Variants in TSPAN5 observed in about 807,000 individuals in gnomAD.
TSPAN5 encodes the protein tetraspanin 5.
TSPAN5 carries 10 observed loss-of-function variants against 37.1 expected under a neutral mutation model. The observed-to-expected ratio is 0.27, with a 90% CI of 0.17 to 0.46. The LOEUF (loss-of-function observed/expected upper bound fraction) is 0.46, where lower values mean the gene tolerates loss of function less well. TSPAN5 is among the 20% of genes least tolerant of loss of function. The pLI is 1.00. For synonymous variants in TSPAN5, 110 were observed against 118.9 expected, an observed-to-expected ratio of 0.93 and a Z score of 0.48; for missense variants, 195 against 326.6, an observed-to-expected ratio of 0.60 and a Z score of 3.11.
intron 1 of TSPAN5, among the ~76,000 whole-genome samples, chr4:98,540,498 C>T (rs4699649): frequency 0.05 from 7,638 of 152,196 alleles, 451 homozygotes; most frequent in Admixed American, 0.13. Context: ...CCACCATGCC[C>T]AGCTAATTTT....
At chr4:98,507,841 A>G in intron 1 of TSPAN5, 113 bp from the exon 2 acceptor site, 1 of 734,814 alleles carries the variant, frequency 1.4e-6, no homozygotes, top group Non-Finnish European at 2.2e-6. Context: ...AGCTTTTCCT[A>G]AAGTGTGAGC....
At chr4:98,575,246 T>C (rs751755527) in intron 1 of TSPAN5, among the ~76,000 whole-genome samples, 3 of 152,136 alleles carry the variant, frequency 2.0e-5, no homozygotes, top group Non-Finnish European at 4.4e-5. Context: ...AATATGTAAG[T>C]CATCAGAGAT....
intron 1 of TSPAN5, among the ~76,000 whole-genome samples, chr4:98,637,432 G>A (rs1191259439): frequency 6.6e-6 from 1 of 152,090 alleles, no homozygotes; most frequent in Non-Finnish European, 1.5e-5. Context: ...CTCAACTGAT[G>A]ACCACAGGCA....
At chr4:98,608,657 A>G (rs980652568) in intron 1 of TSPAN5, among the ~76,000 whole-genome samples, 1 of 152,132 alleles carries the variant, frequency 6.6e-6, no homozygotes. Flanking sequence ...TCTCTCCAGG[A>G]AAAAGAAAAA....
chr4:98,499,938 G>A (rs577697336), intron 2 of TSPAN5, among the ~76,000 whole-genome samples: 109 of 152,124 alleles, frequency 7.2e-4, no homozygotes, highest in African/African-American at 2.4e-3. Flanking sequence ...GGGATTACAG[G>A]TGTGAGCCAC....
At position 98,619,972 on chromosome 4, in the gene TSPAN5, T is replaced by C. The variant is rs550656139; in HGVS notation, c.81+38174A>G. 2.6e-5 allele frequency among the ~76,000 whole-genome samples: 4 copies of C among 152,284 alleles called. No individual in the cohort carries two copies. In the South Asian group the frequency reaches 8.3e-4, roughly 32 times the overall value. On this transcript the variant is annotated intron_variant, in intron 1 of 7. Transcript: ENST00000305798. ...TCCTAAAAGCCTCATATTATTGCAT[T>C]GAGTACTAGGTTTCAACACATGAAT...
intron 1 of TSPAN5, among the ~76,000 whole-genome samples, chr4:98,558,959 C>A (rs1410758941): frequency 2.0e-5 from 3 of 152,218 alleles, no homozygotes; most frequent in Non-Finnish European, 4.4e-5. Flanking sequence ...AATGCCCTCA[C>A]TTAAATAACA....
At chr4:98,592,432 T>TTG (rs1553916144) in intron 1 of TSPAN5, among the ~76,000 whole-genome samples, 2 of 144,428 alleles carry the variant, frequency 1.4e-5, no homozygotes, top group African/African-American at 5.2e-5. Flanking sequence ...TTTTTTGTTT[T>TTG]TTTTTTTTTT....
chr4:98,558,649 T>C (rs549091750), intron 1 of TSPAN5, among the ~76,000 whole-genome samples: 1 of 152,296 alleles, frequency 6.6e-6, no homozygotes, highest in African/African-American at 2.4e-5. Flanking sequence ...GCACTCCAAA[T>C]GCAGTTTCTA....
rs1753776508 is a variant in TSPAN5 at position 98,518,175 on chromosome 4, C to T, written c.82-10447G>A. 2.0e-5 allele frequency among the ~76,000 whole-genome samples: 3 copies of T among 150,504 alleles called. No homozygotes were observed. In the South Asian group the frequency reaches 6.3e-4, roughly 32 times the overall value. On this transcript the variant is annotated intron_variant, in intron 1 of 7. Coordinates refer to ENST00000305798, the MANE Select transcript of TSPAN5 (RefSeq NM_005723.4). ...CCTCCAAAAGTGCTGGGATTACAGG[C>T]GTGAGCCACACCACACCCAGTCTAT...
chr4:98,647,224 C>T (rs10516435), intron 1 of TSPAN5, among the ~76,000 whole-genome samples: 12,932 of 152,194 alleles, frequency 0.085, 677 homozygotes, highest in Non-Finnish European at 0.11. Flanking sequence ...AGTTAAAGGG[C>T]TAGGCCACAT....
At chr4:98,498,647 C>T (rs962057908) in intron 2 of TSPAN5, among the ~76,000 whole-genome samples, 1 of 152,074 alleles carries the variant, frequency 6.6e-6, no homozygotes, top group African/African-American at 2.4e-5. Context: ...ACACCACTGC[C>T]CAGGGCCTGG....
chr4:98,553,752 C>T (rs1030946701), intron 1 of TSPAN5, among the ~76,000 whole-genome samples: 1 of 152,084 alleles, frequency 6.6e-6, no homozygotes, highest in East Asian at 1.9e-4. Context: ...GCTAATTGTA[C>T]CCCAGAAACC....
intron 1 of TSPAN5, among the ~76,000 whole-genome samples, chr4:98,580,838 T>A (rs547340692): frequency 1.3e-5 from 2 of 152,086 alleles, no homozygotes; most frequent in East Asian, 3.9e-4. Flanking sequence ...CTTTGCTGCC[T>A]GGGTAGGGGC....
chr4:98,505,939 A>G (rs1390713048), intron 2 of TSPAN5, among the ~76,000 whole-genome samples: 1 of 152,204 alleles, frequency 6.6e-6, no homozygotes, highest in African/African-American at 2.4e-5. Flanking sequence ...CCCTCCCTAA[A>G]GACCGCATCA....
chr4:98,618,958 A>T (rs948390768), intron 1 of TSPAN5, among the ~76,000 whole-genome samples: 5 of 151,864 alleles, frequency 3.3e-5, no homozygotes, highest in Non-Finnish European at 5.9e-5. Context: ...CAGACTTGAA[A>T]TTTTTTTTTA....
chr4:98,655,978 G>A (rs551816095), intron 1 of TSPAN5, among the ~76,000 whole-genome samples: 57 of 152,296 alleles, frequency 3.7e-4, no homozygotes, highest in African/African-American at 1.3e-3. Flanking sequence ...CAGGGTAAGT[G>A]AAGGGCCCTC....
intron 3 of TSPAN5, chr4:98,484,702 C>T (rs565294898): frequency 7.5e-6 from 3 of 401,206 alleles, no homozygotes; most frequent in East Asian, 7.1e-5. Context: ...TGGCTCATGC[C>T]TGTAATCCCA....
intron 1 of TSPAN5, among the ~76,000 whole-genome samples, chr4:98,541,607 G>T (rs1419856789): frequency 6.6e-6 from 1 of 151,354 alleles, no homozygotes; most frequent in Non-Finnish European, 1.5e-5. Flanking sequence ...CCCAGGAGGG[G>T]GAGGGTGCAG....
Sources: gnomAD v4.1 joint callset for allele counts (sites outside exome capture counted in the v4.1 genomes callset) on GRCh38, gnomAD v4.1.1 for gene constraint, MANE v1.5 for transcripts, NCBI Gene and HGNC (gene_info 2026-07-23, HGNC 2026-07-21) for gene names.